The following PCDH8 variants were observed in gnomAD, a reference collection of about 807,000 sequenced individuals.
PCDH8 encodes protocadherin-8.
Under a neutral mutation model 58.2 loss-of-function variants are expected in PCDH8, and 36 were observed. That is an observed-to-expected ratio of 0.62 (90% CI 0.47 to 0.82). The LOEUF (loss-of-function observed/expected upper bound fraction) is 0.82. PCDH8 is among the 40% of genes least tolerant of loss of function. PCDH8 has a pLI of 0.00. For synonymous variants in PCDH8, 775 were observed against 728.9 expected, an observed-to-expected ratio of 1.06 and a Z score of -1.02; for missense variants, 1,493 against 1,567.8, an observed-to-expected ratio of 0.95 and a Z score of 0.81.
rs1457099517 is a variant in PCDH8, at chr13:52,844,992, A to G, written c.2840-59T>C. On this transcript the variant is annotated intron_variant, in intron 2 of 2. Transcript: ENST00000377942. ...ATTATTCCTGAGATTATACATATTC[A>G]GGCTTCCATCTTCAGCATGTCAGCC... 20 of 1,499,428 alleles carry G rather than the reference A, an allele frequency of 1.3e-5. No individual in the cohort carries two copies. The African/African-American group carries it at 2.8e-4, about 21-fold the overall frequency. 92.9% of individuals were successfully genotyped at this position (1,499,428 alleles called of 1,614,324 possible).
At position 52,848,402 on chromosome 13, in the gene PCDH8, A is replaced by C; in HGVS notation, c.35T>G (p.Leu12Arg). The change falls in exon 1 of 3, where the codon CTT (leucine) becomes CGT (arginine). Residue 12 changes from leucine to arginine, a missense_variant. Leu to Arg is a moderately radical substitution (Grantham distance 102, BLOSUM62 -2). Transcript: ENST00000377942. Reference sequence around the variant, plus strand: ...GAGGCTGAAGAGCTGCAAGGGGAAAAGGCAGGGGCTGCCCCAACGCCTCAC... The same window carrying C: ...GAGGCTGAAGAGCTGCAAGGGGAAACGGCAGGGGCTGCCCCAACGCCTCAC... The part of the protein sequence containing the change: ...SPVRRWGSPC[L>R]FPLQLFSLCW... The C allele has an allele frequency of 6.2e-7, 1 of 1,609,918 alleles. No individual in the cohort carries two copies. Among genetic ancestry groups the C allele is most frequent in the African/African-American group, 1.3e-5 (1 of 75,058 alleles).
Position 52,844,549 on chromosome 13 carries a change from G to A in PCDH8, c.*11C>T, listed in dbSNP as rs779891815. ...GTGACCTGTATATGTGTGAAGACAT[G>A]CAGCATGGGATTACACATTTTCATT... is the stretch of plus-strand genomic sequence containing the variant. On this transcript the variant is annotated 3_prime_UTR_variant, in exon 3 of 3. Transcript: ENST00000377942. 1.3e-6 allele frequency: 2 copies of A among 1,562,342 alleles called. No individual in the cohort carries two copies. The highest frequency in any genetic ancestry group is 2.7e-5 in the African/African-American group (2 of 73,638).
In PCDH8 at chr13:52,845,547, C is replaced by A; in HGVS notation, c.2717G>T (p.Gly906Val). 2 of 1,614,192 alleles carry A rather than the reference C, an allele frequency of 1.2e-6. No homozygotes were observed. The highest frequency in any genetic ancestry group is 1.7e-6 in the Non-Finnish European group (2 of 1,180,042). ...WKGHSFNTIS[G>V]REAEKFSGKD... ...GCCGCTGAACTTCTCTGCTTCTCTGCCAGAAATGGTGTTGAAGGAGTGTCC... is the reference window on the plus strand; with the variant it reads ...GCCGCTGAACTTCTCTGCTTCTCTGACAGAAATGGTGTTGAAGGAGTGTCC... Residue 906 changes from glycine to valine, a missense_variant, in exon 2 of 3, where the codon GGC (glycine) becomes GTC (valine). Around this residue, in one of 3 missense-constraint regions of PCDH8, gnomAD observed 1,307 missense variants for 1,362.7 expected, o/e 0.96. Transcript: ENST00000377942.
chr13:52,847,979 C>T lies in PCDH8; in HGVS notation c.458G>A (p.Arg153His), dbSNP rs1263350489. 10 of 1,609,452 alleles carry T rather than the reference C, an allele frequency of 6.2e-6. No individual in the cohort carries two copies. Among genetic ancestry groups the T allele is most frequent in the East Asian group, 2.2e-5 (1 of 44,848 alleles). The change falls in exon 1 of 3, where the codon CGC (arginine) becomes CAC (histidine). Residue 153 changes from arginine (R) to histidine (H), a missense_variant. Arg to His is a conservative substitution (Grantham distance 29). Transcript: ENST00000377942. ...GTCCACCGGCACCTCCAAGGGGATG[C>T]GCGTGCCCACTGCCGCACCCTCGGA... ...EVSEGAAVGT[R>H]IPLEVPVDED...
chr13:52,845,824 G>C lies in PCDH8; in HGVS notation c.2613C>G (p.Leu871=). 6.6e-7 allele frequency: 1 copy of C among 1,511,116 alleles called. No homozygotes were observed. Among genetic ancestry groups the C allele is most frequent in the Non-Finnish European group, 8.8e-7 (1 of 1,137,764 alleles). 93.6% of individuals were successfully genotyped at this position (1,511,116 alleles called of 1,614,324 possible). ...SACHFEGQQR[L]RGAHAEPYGA... ...GCCTCACCTCGGCGTGCGCGCCGCG[G>C]AGCCGCTGCTGCCCCTCGAAGTGAC... is the stretch of plus-strand genomic sequence containing the variant. Residue 871 remains leucine (L), a synonymous_variant, in exon 1 of 3, where the codon CTC becomes CTG. Coordinates refer to ENST00000377942, the MANE Select transcript of PCDH8 (RefSeq NM_002590.4).
Position 52,847,836 on chromosome 13 carries a change from G to A in PCDH8, c.601C>T (p.Gln201Ter). 6.7e-7 allele frequency: 1 copy of A among 1,498,768 alleles called. No individual in the cohort carries two copies. 92.8% of individuals were successfully genotyped at this position (1,498,768 alleles called of 1,614,324 possible). The part of the protein sequence containing the change: ...GAQCADLVLL[Q>*]ELDRESQAAY... Reference sequence around the variant, plus strand: ...GCCTGGCTCTCGCGGTCCAGCTCCTGCAGCAGCACCAGGTCTGCGCACTGA... The same window carrying A: ...GCCTGGCTCTCGCGGTCCAGCTCCTACAGCAGCACCAGGTCTGCGCACTGA... Residue 201 changes from glutamine to a stop codon, truncating the protein, a stop_gained, in exon 1 of 3, where the codon CAG becomes TAG. Transcript: ENST00000377942. LOFTEE classifies it high-confidence loss of function.
Position 52,846,843 on chromosome 13 carries a change from C to T in PCDH8, c.1594G>A (p.Val532Ile). The stretch of plus-strand genomic sequence containing the variant: ...TCGGCCTCCAGCAGCCGGTAGGTGA[C>T]CTGGCCGTTGCGGCCCAGGTCCCGG... ...RDRDLGRNGQ[V>I]TYRLLEAEVG... is the part of the protein sequence containing the mutation. The change falls in exon 1 of 3, where the codon GTC becomes ATC. Residue 532 changes from valine (V) to isoleucine (I), a missense_variant. Around this residue, in one of 3 missense-constraint regions of PCDH8, gnomAD observed 1,307 missense variants for 1,362.7 expected, o/e 0.96. Coordinates refer to ENST00000377942, the MANE Select transcript of PCDH8 (RefSeq NM_002590.4). 5.2e-6 allele frequency: 8 copies of T among 1,549,188 alleles called. No individual in the cohort carries two copies. Among genetic ancestry groups the T allele is most frequent in the Non-Finnish European group, 6.1e-6 (7 of 1,152,874 alleles).
At position 52,846,284 on chromosome 13, in the gene PCDH8, G is replaced by T; in HGVS notation, c.2153C>A (p.Pro718Gln). The T allele has an allele frequency of 6.4e-7, 1 of 1,574,600 alleles. No homozygotes were observed. Among genetic ancestry groups the T allele is most frequent in the Non-Finnish European group, 8.6e-7 (1 of 1,166,304 alleles). Reference sequence around the variant, plus strand: ...GCTTCCTGCACTGGCAGGCGCAGCCGGCCCACGCCCGCCCCCTGCTGTTAC... The same window carrying T: ...GCTTCCTGCACTGGCAGGCGCAGCCTGCCCACGCCCGCCCCCTGCTGTTAC... ...FVVTAGGGRG[P>Q]AAPASAGSPE... Residue 718 changes from proline (P) to glutamine (Q), a missense_variant, in exon 1 of 3, where the codon CCG becomes CAG. Physicochemically the swap from Pro to Gln is moderately conservative, Grantham distance 76. This residue lies in a region of PCDH8 where 1,307 missense variants were observed against 1,362.7 expected (regional missense o/e 0.96). Coordinates refer to ENST00000377942, the MANE Select transcript of PCDH8 (RefSeq NM_002590.4).
chr13:52,843,122 A>G lies in PCDH8; in HGVS notation c.*1438T>C, dbSNP rs1426934297. On this transcript the variant is annotated 3_prime_UTR_variant, in exon 3 of 3. Transcript: ENST00000377942. ...AGCTCTGCTCACAGAAGACTTGCTC[A>G]GTAAATGTTAGGTCTCATTATGCTT... The G allele has an allele frequency of 1.3e-5, 2 of 152,264 alleles. No individual in the cohort carries two copies. Among genetic ancestry groups the G allele is most frequent in the African/African-American group, 4.8e-5 (2 of 41,468 alleles). 9.4% of individuals were successfully genotyped at this position (152,264 alleles called of 1,614,324 possible).
Position 52,846,562 on chromosome 13 carries a change from C to A in PCDH8, c.1875G>T (p.Gly625=). ...ANGSLEVAVP[G]RTAKDTVVAR... is the part of the protein sequence containing the mutation. ...CCACAACCGTGTCCTTTGCGGTGCGCCCAGGCACCGCCACTTCTAGGGAGC... is the reference window on the plus strand; with the variant it reads ...CCACAACCGTGTCCTTTGCGGTGCGACCAGGCACCGCCACTTCTAGGGAGC... The change falls in exon 1 of 3, where the codon GGG becomes GGT. Residue 625 remains glycine, a synonymous_variant. Coordinates refer to ENST00000377942, the MANE Select transcript of PCDH8 (RefSeq NM_002590.4). 1 of 1,603,136 alleles carries A rather than the reference C, an allele frequency of 6.2e-7. No homozygotes were observed. Among genetic ancestry groups the A allele is most frequent in the South Asian group, 1.1e-5 (1 of 90,620 alleles).
chr13:52,845,489 G>C lies in PCDH8; in HGVS notation c.2775C>G (p.Asn925Lys). The change falls in exon 2 of 3, where the codon AAC (asparagine) becomes AAG (lysine). Residue 925 changes from asparagine (N) to lysine (K), a missense_variant. Coordinates refer to ENST00000377942, the MANE Select transcript of PCDH8 (RefSeq NM_002590.4). The part of the protein sequence containing the change: ...KDSGKGDSDF[N>K]DSDSDISGDA... The stretch of plus-strand genomic sequence containing the variant: ...CCCCGCTGATGTCGGAATCGCTGTC[G>C]TTGAAATCACTGTCCCCTTTACCGC... 6.2e-7 allele frequency: 1 copy of C among 1,614,200 alleles called. No individual in the cohort carries two copies. Among genetic ancestry groups the C allele is most frequent in the Non-Finnish European group, 8.5e-7 (1 of 1,180,026 alleles).
rs1189256580 is a variant in PCDH8 at position 52,847,039 on chromosome 13, C to A, written c.1398G>T (p.Thr466=). ...GCGCGCCGCGATCCTCGGCCACCAGCGTCAAGTTGTACTCGGCGATGCGTT... is the reference window on the plus strand; with the variant it reads ...GCGCGCCGCGATCCTCGGCCACCAGAGTCAAGTTGTACTCGGCGATGCGTT... ...DRERIAEYNL[T]LVAEDRGAPP... The change falls in exon 1 of 3, where the codon ACG becomes ACT. Residue 466 remains threonine, a synonymous_variant. Coordinates refer to ENST00000377942, the MANE Select transcript of PCDH8 (RefSeq NM_002590.4). The A allele has an allele frequency of 1.3e-6, 2 of 1,567,292 alleles. No individual in the cohort carries two copies. Among genetic ancestry groups the A allele is most frequent in the Non-Finnish European group, 1.7e-6 (2 of 1,158,652 alleles).
Position 52,846,062 on chromosome 13 carries a change from G to A in PCDH8, c.2375C>T (p.Pro792Leu). Reference sequence around the variant, plus strand: ...CGAGGCTCCGCCGCCCGCCGCCCCGGGCCGCTCTTCCCGGAGGGCCCCCCC... The same window carrying A: ...CGAGGCTCCGCCGCCCGCCGCCCCGAGCCGCTCTTCCCGGAGGGCCCCCCC... Reference protein sequence around the residue: ...RKGGALREERPGAAGGGASAP... With the variant: ...RKGGALREERLGAAGGGASAP... The change falls in exon 1 of 3, where the codon CCC becomes CTC. Residue 792 changes from proline (P) to leucine (L), a missense_variant. Physicochemically the swap from Pro to Leu is moderately conservative, Grantham distance 98. Around this residue, in one of 3 missense-constraint regions of PCDH8, gnomAD observed 1,307 missense variants for 1,362.7 expected, o/e 0.96. Coordinates refer to ENST00000377942, the MANE Select transcript of PCDH8 (RefSeq NM_002590.4). 1 of 1,533,624 alleles carries A rather than the reference G, an allele frequency of 6.5e-7. No homozygotes were observed. Among genetic ancestry groups the A allele is most frequent in the African/African-American group, 1.4e-5 (1 of 69,274 alleles).
chr13:52,847,720 A>G lies in PCDH8; in HGVS notation c.717T>C (p.Asn239=). 2 of 1,526,174 alleles carry G rather than the reference A, an allele frequency of 1.3e-6. No homozygotes were observed. The highest frequency in any genetic ancestry group is 1.7e-6 in the Non-Finnish European group (2 of 1,144,722). 94.5% of individuals were successfully genotyped at this position (1,526,174 alleles called of 1,614,324 possible). A position where few individuals can be genotyped will look rare whatever the true frequency, so the allele number is the denominator to read the frequency against. ...CCTGCGGGAAGGCCGGGCTGTGGTC[A>G]TTCGCATCCAGGACGCGCACGCTGA... The part of the protein sequence containing the change: ...AALSVRVLDA[N]DHSPAFPQGA... Residue 239 remains asparagine (N), a synonymous_variant, in exon 1 of 3, where the codon AAT becomes AAC. Transcript: ENST00000377942.
In PCDH8 at chr13:52,843,376, T is replaced by C. The variant is rs956582023; in HGVS notation, c.*1184A>G. The C allele has an allele frequency of 6.6e-6, 1 of 152,188 alleles. No homozygotes were observed. The allele number at this position is 152,188 out of a possible 1,614,324, so 9.4% of individuals were successfully genotyped here. A position where few individuals can be genotyped will look rare whatever the true frequency, so the allele number is the denominator to read the frequency against. On this transcript the variant is annotated 3_prime_UTR_variant, in exon 3 of 3. Coordinates refer to ENST00000377942, the MANE Select transcript of PCDH8 (RefSeq NM_002590.4). ...GCTCCCTGTGTTTTTTTCTAGAACA[T>C]TTTAAAGCGAATCCCAAACATCATG...
In PCDH8 at chr13:52,846,056, G is replaced by T; in HGVS notation, c.2381C>A (p.Ala794Glu). Residue 794 changes from alanine to glutamate, a missense_variant, in exon 1 of 3, where the codon GCG becomes GAG. Around this residue, in one of 3 missense-constraint regions of PCDH8, gnomAD observed 1,307 missense variants for 1,362.7 expected, o/e 0.96. Transcript: ENST00000377942. ...GGALREERPG[A>E]AGGGASAPGS... ...GGGAGCCGAGGCTCCGCCGCCCGCCGCCCCGGGCCGCTCTTCCCGGAGGGC... is the reference window on the plus strand; with the variant it reads ...GGGAGCCGAGGCTCCGCCGCCCGCCTCCCCGGGCCGCTCTTCCCGGAGGGC... 1.3e-6 allele frequency: 2 copies of T among 1,519,992 alleles called. No individual in the cohort carries two copies. Among genetic ancestry groups the T allele is most frequent in the South Asian group, 1.3e-5 (1 of 79,328 alleles). 94.2% of individuals were successfully genotyped at this position (1,519,992 alleles called of 1,614,324 possible).
chr13:52,845,603 C>G lies in PCDH8; in HGVS notation c.2661G>C (p.Lys887Asn). The change falls in exon 2 of 3, where the codon AAG becomes AAC. Residue 887 changes from lysine (K) to asparagine (N), a missense_variant. This residue lies in a region of PCDH8 where 1,307 missense variants were observed against 1,362.7 expected (regional missense o/e 0.96). Transcript: ENST00000377942. ...EPYGASPGFG[K>N]EPAPPVAVWK... ...ACACCGCCACAGGGGGCGCCGGCTC[C>G]TTTCCAAAACCCGGGGAGGCACCGT... The G allele has an allele frequency of 1.9e-6, 3 of 1,614,084 alleles. No individual in the cohort carries two copies. Among genetic ancestry groups the G allele is most frequent in the Non-Finnish European group, 2.5e-6 (3 of 1,180,022 alleles).
rs753623139 is a variant in PCDH8, at chr13:52,844,778, G to A, written c.2995C>T (p.Arg999Cys). The change falls in exon 3 of 3, where the codon CGC (arginine) becomes TGC (cysteine). Residue 999 changes from arginine (R) to cysteine (C), a missense_variant. Transcript: ENST00000377942. ...TGGGCCTGGTAGTAATTGTCCCTGC[G>A]CAGAGGATCCCGAGGCAGTGACGTG... ...KSTSLPRDPLRRDNYYQAQLP... is the reference protein window; with the variant it reads ...KSTSLPRDPLCRDNYYQAQLP... 1.2e-6 allele frequency: 2 copies of A among 1,613,346 alleles called. No homozygotes were observed. The highest frequency in any genetic ancestry group is 2.2e-5 in the East Asian group (1 of 44,872).
In PCDH8 at chr13:52,847,302, G is replaced by C. The variant is rs1965756414; in HGVS notation, c.1135C>G (p.Leu379Val). 1 of 1,404,784 alleles carries C rather than the reference G, an allele frequency of 7.1e-7. No individual in the cohort carries two copies. Among genetic ancestry groups the C allele is most frequent in the Non-Finnish European group, 9.2e-7 (1 of 1,086,064 alleles). The allele number at this position is 1,404,784 out of a possible 1,614,324, so 87.0% of individuals were successfully genotyped here. ...PFAAAAAAAA[L>V]GGADASSPAG... ...GGCGAGCTAGCGTCCGCTCCCCCGA[G>C]TGCAGCGGCGGCGGCGGCAGCGGCG... The change falls in exon 1 of 3, where the codon CTC (leucine) becomes GTC (valine). Residue 379 changes from leucine (L) to valine (V), a missense_variant. Around this residue, in one of 3 missense-constraint regions of PCDH8, gnomAD observed 1,307 missense variants for 1,362.7 expected, o/e 0.96. Coordinates refer to ENST00000377942, the MANE Select transcript of PCDH8 (RefSeq NM_002590.4).
Sources: allele counts gnomAD v4.1 joint callset, GRCh38; gene constraint gnomAD v4.1.1; regional missense constraint gnomAD v4.1.1; transcripts MANE v1.5; gene names NCBI Gene and HGNC (gene_info 2026-07-23, HGNC 2026-07-21).